The following UBE2V1 variants were observed in gnomAD, a reference collection of about 807,000 sequenced individuals.
The protein encoded by UBE2V1 is ubiquitin conjugating enzyme E2 V1, also known as ubiquitin-conjugating enzyme E2 variant 1.
In UBE2V1, 15 loss-of-function variants were observed where a neutral mutation model predicts 19.6. The ratio of observed to expected loss-of-function variants is 0.77; its 90% CI spans 0.51 to 1.18. UBE2V1 has a LOEUF of 1.18. Among genes scored for constraint, UBE2V1 ranks in the 50% most tolerant of loss-of-function variants. UBE2V1 has a pLI of 0.00. For missense variants in UBE2V1, 125 were observed against 184.8 expected (o/e 0.68, Z 1.88); for synonymous variants, 60 against 60.7 (o/e 0.99, Z 0.05).
At chr20:50,104,058 C>T (rs1396598009) in intron 1 of UBE2V1, among the ~76,000 whole-genome samples, 1 of 151,086 alleles carries the variant, frequency 6.6e-6, no homozygotes, top group Admixed American at 6.6e-5. Context: ...CTGAGACAGG[C>T]GGATCACGAG....
In UBE2V1 at chr20:50,097,083, C is replaced by T. The variant is rs151325231; in HGVS notation, c.23-263G>A. 8.9e-4 allele frequency among the ~76,000 whole-genome samples: 136 copies of T among 152,276 alleles called. 1 individual carries two copies. Among genetic ancestry groups the T allele is most frequent in the African/African-American group, 3.1e-3 (128 of 41,562 alleles). ...CTTAGAAAGATACCCCACCCCTACC[C>T]CTTGGACAAACCTCCTAAGGGGCTT... On this transcript the variant is annotated intron_variant, in intron 1 of 3. Coordinates refer to ENST00000371674, the MANE Select transcript of UBE2V1 (RefSeq NM_001032288.3).
intron 1 of UBE2V1, among the ~76,000 whole-genome samples, chr20:50,107,441 C>T (rs57281472): frequency 0.011 from 1,635 of 152,322 alleles, 28 homozygotes; most frequent in African/African-American, 0.038. Context: ...TGTTCTGCTG[C>T]TAGGGTCAGT....
rs199507747 is a variant in UBE2V1 at position 50,106,847 on chromosome 20, CAA to C, written c.22+6258_22+6259del. On this transcript the variant is annotated intron_variant, in intron 1 of 3. Coordinates refer to ENST00000371674, the MANE Select transcript of UBE2V1 (RefSeq NM_001032288.3). ...TGAAACTCTGTTTCAAAACCAAAAA[CAA>C]CAACAACAACAACAACAACAACAAC... Among the ~76,000 whole-genome samples the C allele has an allele frequency of 1.6e-3, 174 of 110,708 alleles. 4 individuals carry two copies. Among genetic ancestry groups the C allele is most frequent in the Middle Eastern group, 8.5e-3 (2 of 236 alleles). The allele number at this position is 110,708 out of a possible 152,430, so 72.6% of individuals were successfully genotyped here.
intron 3 of UBE2V1, 149 bp from the exon 4 acceptor site, chr20:50,083,063 T>A: frequency 7.6e-7 from 1 of 1,307,952 alleles, no homozygotes; most frequent in Non-Finnish European, 1.0e-6. Context: ...GCGGAATACC[T>A]ACCTGCTAGA....
intron 2 of UBE2V1, among the ~76,000 whole-genome samples, chr20:50,087,859 G>T (rs2146986424): frequency 6.6e-6 from 1 of 152,140 alleles, no homozygotes. Context: ...AAAGGCCGAG[G>T]GACACTCCTT....
chr20:50,113,271 A>C (rs926883327), upstream of UBE2V1: 1 of 596,280 alleles, frequency 1.7e-6, no homozygotes, highest in Non-Finnish European at 2.5e-6. Flanking sequence ...GTGGCCTGGA[A>C]GGCTCTTTTC....
At chr20:50,084,642 T>C (rs1378336306) in intron 2 of UBE2V1, 1 of 436,424 alleles carries the variant, frequency 2.3e-6, no homozygotes, top group Non-Finnish European at 4.6e-6. Context: ...ATCAGTTAAA[T>C]AACACTATGT....
chr20:50,094,001 A>T lies in UBE2V1; in HGVS notation c.171+2671T>A, dbSNP rs1239595534. On this transcript the variant is annotated intron_variant, in intron 2 of 3. Coordinates refer to ENST00000371674, the MANE Select transcript of UBE2V1 (RefSeq NM_001032288.3). ...AGACTCCAACTCAAAAAAAAAAAAAAAAAAAAAAAAATAATAATAATAATA... is the reference window on the plus strand; with the variant it reads ...AGACTCCAACTCAAAAAAAAAAAAATAAAAAAAAAAATAATAATAATAATA... Among the ~76,000 whole-genome samples the T allele has an allele frequency of 5.2e-3, 669 of 129,550 alleles. 5 individuals are homozygous for T. The highest frequency in any genetic ancestry group is 0.019 in the African/African-American group (622 of 31,934). The allele number at this position is 129,550 out of a possible 152,430, so 85.0% of individuals were successfully genotyped here.
intron 1 of UBE2V1, among the ~76,000 whole-genome samples, chr20:50,098,133 A>G (rs764662994): frequency 2.0e-5 from 3 of 152,206 alleles, no homozygotes; most frequent in Non-Finnish European, 2.9e-5. Flanking sequence ...GAAAAGTGTT[A>G]TTGCAATCAG....
rs1568988739 is a variant in UBE2V1 at position 50,094,232 on chromosome 20, A to ATATATAATGCATTATATAT, written c.171+2439_171+2440insATATATAATGCATTATATA. 2.0e-3 allele frequency among the ~76,000 whole-genome samples: 277 copies of ATATATAATGCATTATATAT among 135,838 alleles called. 8 individuals carry two copies. The highest frequency in any genetic ancestry group is 7.3e-3 in the African/African-American group (258 of 35,226). The allele number at this position is 135,838 out of a possible 152,430, so 89.1% of individuals were successfully genotyped here. A position where few individuals can be genotyped will look rare whatever the true frequency, so the allele number is the denominator to read the frequency against. Reference sequence around the variant, plus strand: ...TAATATATAACATATGCATTATATAATATATAATGCATTATATAATATATA... The same window carrying ATATATAATGCATTATATAT: ...TAATATATAACATATGCATTATATAATATATAATGCATTATATATTATATAATGCATTATATAATATATA... On this transcript the variant is annotated intron_variant, in intron 2 of 3. Transcript: ENST00000371674.
At chr20:50,088,460 G>A (rs1011574022) in intron 2 of UBE2V1, among the ~76,000 whole-genome samples, 1 of 152,160 alleles carries the variant, frequency 6.6e-6, no homozygotes, top group African/African-American at 2.4e-5. Context: ...CTATAAGCCT[G>A]TAAGTATTAG....
chr20:50,087,865 T>C (rs1452268587), intron 2 of UBE2V1, among the ~76,000 whole-genome samples: 1 of 152,028 alleles, frequency 6.6e-6, no homozygotes, highest in African/African-American at 2.4e-5. Flanking sequence ...CGAGGGACAC[T>C]CCTTGGGCAC....
chr20:50,085,306 C>T (rs959420933), intron 2 of UBE2V1, among the ~76,000 whole-genome samples: 6 of 152,146 alleles, frequency 3.9e-5, no homozygotes, highest in Non-Finnish European at 8.8e-5. Context: ...CAGGGAGATG[C>T]GCTCTGTTGC....
chr20:50,113,173 C>G (rs372425380), upstream of UBE2V1: 718 of 1,265,776 alleles, frequency 5.7e-4, 5 homozygotes, highest in African/African-American at 1.8e-3. Flanking sequence ...TTCACCCCCC[C>G]CTTACCCGTC....
intron 3 of UBE2V1, among the ~76,000 whole-genome samples, chr20:50,083,224 G>A (rs542285720): frequency 2.6e-5 from 4 of 152,182 alleles, no homozygotes; most frequent in African/African-American, 9.7e-5. Flanking sequence ...GGCGGCTGCC[G>A]GGCTCAGGAC....
intron 1 of UBE2V1, among the ~76,000 whole-genome samples, chr20:50,107,464 G>C (rs1468411930): frequency 6.6e-6 from 1 of 152,192 alleles, no homozygotes; most frequent in African/African-American, 2.4e-5. Context: ...CCAAGACCAA[G>C]CATCAGATTT....
chr20:50,088,100 T>TAAAAAAAAA (rs11302479), intron 2 of UBE2V1, among the ~76,000 whole-genome samples: 2 of 109,156 alleles, frequency 1.8e-5, no homozygotes, highest in Non-Finnish European at 1.8e-5. Context: ...GTCTAATCAT[T>TAAAAAAAAA]AAAAAAAAAA....
chr20:50,090,473 CAA>C (rs34134046), intron 2 of UBE2V1, among the ~76,000 whole-genome samples: 17 of 96,672 alleles, frequency 1.8e-4, no homozygotes, highest in Non-Finnish European at 1.1e-4. Context: ...GACTCTGTCT[CAA>C]AAAAAAAAAA....
chr20:50,096,500 C>T (rs2079632262), intron 2 of UBE2V1, 172 bp downstream of exon 2: 4 of 1,517,434 alleles, frequency 2.6e-6, no homozygotes, highest in Non-Finnish European at 3.5e-6. Flanking sequence ...AGGGGTTAAA[C>T]AGCATCAGAG....
Sources: allele counts gnomAD v4.1 joint callset (sites outside exome capture counted in the v4.1 genomes callset), GRCh38; gene constraint gnomAD v4.1.1; transcripts MANE v1.5; gene names NCBI Gene and HGNC (gene_info 2026-07-23, HGNC 2026-07-21).